The following PTPA variants were observed in gnomAD, a reference collection of about 807,000 sequenced individuals.
PTPA encodes the protein protein phosphatase 2 phosphatase activator.
In PTPA, 13 loss-of-function variants were observed where a neutral mutation model predicts 43.6. The ratio of observed to expected loss-of-function variants is 0.30; its 90% confidence interval spans 0.19 to 0.47. PTPA has a LOEUF of 0.47. PTPA is among the 20% of genes least tolerant of loss of function. The probability of loss-of-function intolerance (pLI) is 0.99; values close to 1 mark genes in which losing one functional copy is unlikely to be tolerated. For synonymous variants in PTPA, 172 were observed against 158.2 expected (o/e 1.09, Z -0.66); for missense variants, 329 against 411.9 (o/e 0.80, Z 1.74).
At chr9:129,129,501 G>A (rs12004705) in intron 4 of PTPA, among the ~76,000 whole-genome samples, 5,407 of 148,790 alleles carry the variant, frequency 0.036, 316 homozygotes, top group African/African-American at 0.12. Context: ...ACGGAGTCTC[G>A]CTGTGTTGCC....
In PTPA at chr9:129,148,078, C is replaced by T. The variant is rs1259518178; in HGVS notation, c.*614C>T. Reference sequence around the variant, plus strand: ...CTCCTTTTCACCCTGCCCCCTGGGCCTGAGGCCCCCTGTGTCCAAGCCTCC... The same window carrying T: ...CTCCTTTTCACCCTGCCCCCTGGGCTTGAGGCCCCCTGTGTCCAAGCCTCC... On this transcript the variant is annotated 3_prime_UTR_variant, in exon 10 of 10. Transcript: ENST00000393370. The T allele has an allele frequency of 6.5e-6, 1 of 154,266 alleles. No individual in the cohort carries two copies. Among genetic ancestry groups the T allele is most frequent in the African/African-American group, 2.4e-5 (1 of 41,462 alleles). The allele number at this position is 154,266 out of a possible 1,614,324, so 9.6% of individuals were successfully genotyped here.
At chr9:129,146,831 G>A (rs1039964671) in intron 9 of PTPA, among the ~76,000 whole-genome samples, 114 of 152,280 alleles carry the variant, frequency 7.5e-4, no homozygotes, top group African/African-American at 2.5e-3. Context: ...CCTGTTCAGC[G>A]CTCTTTTTCC....
At chr9:129,147,326 G>A (rs1851369627) in intron 9 of PTPA, 61 bp from the exon 10 acceptor site, 1 of 1,545,054 alleles carries the variant, frequency 6.5e-7, no homozygotes, top group Admixed American at 1.7e-5. Context: ...GCGGTTGTTG[G>A]GGTCCTGGCA....
At chr9:129,114,142 C>T (rs1044000694) in intron 1 of PTPA, among the ~76,000 whole-genome samples, 1 of 152,102 alleles carries the variant, frequency 6.6e-6, no homozygotes, top group Non-Finnish European at 1.5e-5. Flanking sequence ...GATTCTCGTG[C>T]CTCAGCCTCC....
At chr9:129,113,004 A>C (rs1050435817) in intron 1 of PTPA, among the ~76,000 whole-genome samples, 1 of 151,748 alleles carries the variant, frequency 6.6e-6, no homozygotes, top group African/African-American at 2.4e-5. Context: ...TGGAAGCAGA[A>C]TTGTCTTGGG....
rs142643111 is a variant in PTPA, at chr9:129,134,891, A to T, written c.557A>T (p.Asn186Ile). 4 of 1,611,648 alleles carry T rather than the reference A, an allele frequency of 2.5e-6. No individual in the cohort carries two copies. In the African/African-American group the frequency reaches 5.3e-5, roughly 22 times the overall value. Residue 186 changes from asparagine (N) to isoleucine (I), a missense_variant, in exon 6 of 10, where the codon AAT (asparagine) becomes ATT (isoleucine). By Grantham distance (149) the Asn-to-Ile change is moderately radical. Transcript: ENST00000393370. ...ATAGCTATTGTCTTCAAGGTGTTCA[A>T]TCGGTGAGAGAAAGGACAGGAGGGT... ...DQIAIVFKVF[N>I]RYLEVMRKLQ...
At chr9:129,121,852 A>G (rs1041407332) in intron 2 of PTPA, among the ~76,000 whole-genome samples, 11 of 152,160 alleles carry the variant, frequency 7.2e-5, no homozygotes, top group Non-Finnish European at 1.3e-4. Context: ...AGGGGCTCAG[A>G]CTTGCCCTGG....
At chr9:129,128,910 G>T in intron 3 of PTPA, 75 bp from the exon 4 acceptor site, 1 of 1,578,384 alleles carries the variant, frequency 6.3e-7, no homozygotes, top group Non-Finnish European at 8.7e-7. Context: ...TTGTCTGGCA[G>T]CAGTGGACTT....
chr9:129,128,043 G>A (rs1052830873), intron 3 of PTPA: 13 of 1,342,374 alleles, frequency 9.7e-6, no homozygotes, highest in African/African-American at 7.4e-5. Flanking sequence ...CCATTACCCC[G>A]CGCCGGGCAC....
chr9:129,135,248 C>G (rs1850288930), intron 6 of PTPA, among the ~76,000 whole-genome samples: 1 of 152,150 alleles, frequency 6.6e-6, no homozygotes, highest in Non-Finnish European at 1.5e-5. Flanking sequence ...CAAGAATTAG[C>G]TGGGCGTGGT....
chr9:129,145,379 T>C lies in PTPA; in HGVS notation c.895-2008T>C, dbSNP rs543786384. ...AAGTCTTTGCAGTGTTCAACACTCA[T>C]TGACAACTTACTAGCAACTAGCCCT... On this transcript the variant is annotated intron_variant, in intron 9 of 9. Coordinates refer to ENST00000393370, the MANE Select transcript of PTPA (RefSeq NM_178000.3). Among the ~76,000 whole-genome samples, 17 of 152,108 alleles carry C rather than the reference T, an allele frequency of 1.1e-4. No individual in the cohort carries two copies. In the South Asian group the frequency reaches 2.7e-3, roughly 24 times the overall value.
intron 5 of PTPA, among the ~76,000 whole-genome samples, chr9:129,132,396 C>A (rs1477819965): frequency 6.6e-6 from 1 of 152,156 alleles, no homozygotes; most frequent in East Asian, 1.9e-4. Flanking sequence ...GTGATGTGAT[C>A]TTGGCCCACT....
At chr9:129,131,245 C>T (rs1159451100) in intron 4 of PTPA, among the ~76,000 whole-genome samples, 1 of 152,194 alleles carries the variant, frequency 6.6e-6, no homozygotes, top group East Asian at 1.9e-4. Context: ...AGTGAGTTAC[C>T]ACATGGGAGG....
intron 1 of PTPA, among the ~76,000 whole-genome samples, chr9:129,118,363 T>C (rs1849031921): frequency 6.6e-6 from 1 of 151,720 alleles, no homozygotes; most frequent in Non-Finnish European, 1.5e-5. Context: ...ATTTGGGTTG[T>C]TTCTAATTAA....
At chr9:129,131,436 C>A in intron 4 of PTPA, 86 bp from the exon 5 acceptor site, 1 of 1,199,706 alleles carries the variant, frequency 8.3e-7, no homozygotes. Context: ...CAGTGTGGGC[C>A]CCCAGTCAGG....
chr9:129,144,732 C>CCG (rs1247642963), intron 9 of PTPA, among the ~76,000 whole-genome samples: 5 of 51,976 alleles, frequency 9.6e-5, no homozygotes, highest in Admixed American at 2.0e-4. Context: ...GAGCGAGACT[C>CCG]TCTCAAAAAA....
In PTPA at chr9:129,147,373, C is replaced by T. The variant is rs376827019; in HGVS notation, c.895-14C>T. On this transcript the variant is annotated splice_polypyrimidine_tract_variant and intron_variant, in intron 9 of 9. Coordinates refer to ENST00000393370, the MANE Select transcript of PTPA (RefSeq NM_178000.3). ...TGGCCCTCACCACTCTGCTCACCTG[C>T]TCCTTCCTCACAGTGCCTGGAGAAG... 5 of 1,613,408 alleles carry T rather than the reference C, an allele frequency of 3.1e-6. No homozygotes were observed. Among genetic ancestry groups the T allele is most frequent in the Non-Finnish European group, 4.2e-6 (5 of 1,179,612 alleles).
At chr9:129,129,920 A>C (rs775173629) in intron 4 of PTPA, among the ~76,000 whole-genome samples, 1 of 152,070 alleles carries the variant, frequency 6.6e-6, no homozygotes, top group Non-Finnish European at 1.5e-5. Flanking sequence ...AAAAATAAGA[A>C]ATGGTGGTGC....
chr9:129,138,167 G>A (rs924567012), intron 8 of PTPA: 4 of 220,188 alleles, frequency 1.8e-5, no homozygotes, highest in Non-Finnish European at 3.7e-5. Flanking sequence ...AGTGCCTGAG[G>A]ACGTGGGCCC....
Sources: gnomAD v4.1 joint callset for allele counts (sites outside exome capture counted in the v4.1 genomes callset) on GRCh38, gnomAD v4.1.1 for gene constraint, MANE v1.5 for transcripts, NCBI Gene and HGNC (gene_info 2026-07-23, HGNC 2026-07-21) for gene names.